Variants in ADCY8 observed in about 807,000 individuals in gnomAD.
ADCY8 encodes adenylate cyclase 8, also known as adenylate cyclase type 8.
A neutral mutation model predicts 119.7 loss-of-function variants in ADCY8; 51 were observed. The ratio of observed to expected loss-of-function variants is 0.43; its 90% CI spans 0.34 to 0.54. The LOEUF (loss-of-function observed/expected upper bound fraction) is 0.54. Among genes scored for constraint, ADCY8 ranks in the 20% least tolerant of loss-of-function variants. The pLI, the probability that ADCY8 is intolerant of heterozygous loss-of-function variation, is 0.03. For missense variants in ADCY8, 1,383 were observed against 1,598.8 expected, an observed-to-expected ratio of 0.87 and a Z score of 2.30; for synonymous variants, 665 against 651.0, an observed-to-expected ratio of 1.02 and a Z score of -0.33.
intron 8 of ADCY8, among the ~76,000 whole-genome samples, chr8:130,868,606 G>A (rs745363913): frequency 3.9e-5 from 6 of 152,156 alleles, no homozygotes; most frequent in Non-Finnish European, 8.8e-5. Flanking sequence ...CACTCAATGT[G>A]TATTTGCCTT....
chr8:130,838,410 G>T lies in ADCY8; in HGVS notation c.2503-1961C>A, dbSNP rs1817051004. 1.3e-5 allele frequency among the ~76,000 whole-genome samples: 2 copies of T among 152,124 alleles called. 1 individual carries two copies. Among genetic ancestry groups the T allele is most frequent in the Admixed American group, 1.3e-4 (2 of 15,268 alleles). On this transcript the variant is annotated intron_variant, in intron 11 of 17. Coordinates refer to ENST00000286355, the MANE Select transcript of ADCY8 (RefSeq NM_001115.3). ...TTTAAGATCTTGGGGAAGATTTTTA[G>T]GTAATTCATTTTGATGCCTCTGTAT... is the stretch of plus-strand genomic sequence containing the variant.
At chr8:130,928,050 G>T (rs544876943) in intron 5 of ADCY8, among the ~76,000 whole-genome samples, 1 of 152,040 alleles carries the variant, frequency 6.6e-6, no homozygotes, top group South Asian at 2.1e-4. Flanking sequence ...AGTAGTTACG[G>T]GATTACCAGT....
chr8:131,040,631 C>G lies in ADCY8; in HGVS notation c.-298G>C, dbSNP rs945182365. ...CTATTTGTCCTCAGGAGCCGCAGCG[C>G]TGTGAGCCACGCAGCCCCTTCCTGG... is the stretch of plus-strand genomic sequence containing the variant. On this transcript the variant is annotated 5_prime_UTR_variant, in exon 1 of 18. Coordinates refer to ENST00000286355, the MANE Select transcript of ADCY8 (RefSeq NM_001115.3). The G allele has an allele frequency of 8.3e-5, 24 of 290,778 alleles. No homozygotes were observed. The highest frequency in any genetic ancestry group is 5.2e-4 in the African/African-American group (24 of 46,084). The allele number at this position is 290,778 out of a possible 1,614,324, so 18.0% of individuals were successfully genotyped here.
At chr8:130,977,817 C>T (rs1039805206) in intron 2 of ADCY8, among the ~76,000 whole-genome samples, 1 of 152,198 alleles carries the variant, frequency 6.6e-6, no homozygotes, top group Admixed American at 6.5e-5. Context: ...GTGAATTCTC[C>T]TTTTCAGGCT....
intron 2 of ADCY8, among the ~76,000 whole-genome samples, chr8:130,955,143 C>T (rs1821388567): frequency 6.6e-6 from 1 of 152,082 alleles, no homozygotes; most frequent in Non-Finnish European, 1.5e-5. Flanking sequence ...GACTGACAGG[C>T]TCCTGGAATG....
rs71306306 is a variant in ADCY8 at position 131,019,843 on chromosome 8, G to GTCTCTC, written c.960+19525_960+19530dup. ...TCTCTCTCTCTCTCTCTCTCTGTCT[G>GTCTCTC]TCTCTCTCTCTCTCTCTCTCTCTCT... On this transcript the variant is annotated intron_variant, in intron 1 of 17. Transcript: ENST00000286355. Among the ~76,000 whole-genome samples, 136 of 86,908 alleles carry GTCTCTC rather than the reference G, an allele frequency of 1.6e-3. 1 individual carries two copies. Among genetic ancestry groups the GTCTCTC allele is most frequent in the African/African-American group, 4.7e-3 (110 of 23,178 alleles). The allele number at this position is 86,908 out of a possible 152,430, so 57.0% of individuals were successfully genotyped here. A position where few individuals can be genotyped will look rare whatever the true frequency, so the allele number is the denominator to read the frequency against.
At chr8:130,809,531 C>A (rs1351906027) in intron 14 of ADCY8, among the ~76,000 whole-genome samples, 1 of 152,076 alleles carries the variant, frequency 6.6e-6, no homozygotes, top group African/African-American at 2.4e-5. Context: ...ATGCCTTTGG[C>A]CATTTGGGCC....
chr8:130,847,913 G>A (rs1219481686), intron 10 of ADCY8, among the ~76,000 whole-genome samples: 1 of 152,048 alleles, frequency 6.6e-6, no homozygotes, highest in Non-Finnish European at 1.5e-5. Flanking sequence ...AATCTGAAGG[G>A]GTACATTTTC....
intron 3 of ADCY8, 73 bp downstream of exon 3, chr8:130,951,795 C>T (rs1020699481): frequency 6.4e-6 from 10 of 1,574,452 alleles, no homozygotes; most frequent in East Asian, 2.3e-5. Context: ...ACGGAAGTCA[C>T]GGAAGTGCAA....
chr8:130,868,566 G>T (rs1355337101), intron 8 of ADCY8, among the ~76,000 whole-genome samples: 1 of 152,136 alleles, frequency 6.6e-6, no homozygotes, highest in Non-Finnish European at 1.5e-5. Flanking sequence ...TAATTTCATT[G>T]TCTAGCTTTA....
intron 2 of ADCY8, among the ~76,000 whole-genome samples, chr8:130,953,878 G>C (rs183405055): frequency 2.0e-5 from 3 of 152,126 alleles, no homozygotes; most frequent in African/African-American, 7.2e-5. Flanking sequence ...ATCCCATCAC[G>C]GGACTAAGAG....
At chr8:130,960,362 C>A (rs1345734902) in intron 2 of ADCY8, among the ~76,000 whole-genome samples, 1 of 152,152 alleles carries the variant, frequency 6.6e-6, no homozygotes, top group Non-Finnish European at 1.5e-5. Flanking sequence ...CATTAATTGA[C>A]TTGAACACTG....
At chr8:130,991,091 T>G (rs749497052) in intron 1 of ADCY8, among the ~76,000 whole-genome samples, 11 of 152,238 alleles carry the variant, frequency 7.2e-5, no homozygotes, top group Non-Finnish European at 1.5e-4. Flanking sequence ...ACTTCCATTA[T>G]TCTATTTCTA....
Position 131,039,487 on chromosome 8 carries a change from T to G in ADCY8, c.847A>C (p.Ser283Arg), listed in dbSNP as rs772993294. ...CAGGTGAGCGGCAGCGGCAGCATAC[T>G]GTAGGTGGCGAAGAGCGTGAAGAGC... is the stretch of plus-strand genomic sequence containing the variant. ...YVLFTLFATY[S>R]MLPLPLTWAI... Residue 283 changes from serine (S) to arginine (R), a missense_variant, in exon 1 of 18, where the codon AGT becomes CGT. Around this residue, in one of 2 missense-constraint regions of ADCY8, gnomAD observed 455 missense variants for 435.3 expected, o/e 1.05. Transcript: ENST00000286355. 1.2e-6 allele frequency: 2 copies of G among 1,614,022 alleles called. No homozygotes were observed. The highest frequency in any genetic ancestry group is 3.3e-5 in the Admixed American group (2 of 60,028).
In ADCY8 at chr8:130,840,074, G is replaced by C. The variant is rs781333923; in HGVS notation, c.2503-3625C>G. ...AGGTAAGAAAGAGAGAGGAGTCAGA[G>C]GTAGCACTAATATTTCCACTTTGTA... On this transcript the variant is annotated intron_variant, in intron 11 of 17. Coordinates refer to ENST00000286355, the MANE Select transcript of ADCY8 (RefSeq NM_001115.3). Among the ~76,000 whole-genome samples the C allele has an allele frequency of 1.4e-5, 2 of 139,636 alleles. 1 individual carries two copies. The highest frequency in any genetic ancestry group is 3.2e-5 in the Non-Finnish European group (2 of 61,818). The allele number at this position is 139,636 out of a possible 152,430, so 91.6% of individuals were successfully genotyped here.
chr8:130,958,701 A>G (rs527701740), intron 2 of ADCY8, among the ~76,000 whole-genome samples: 8 of 152,332 alleles, frequency 5.3e-5, no homozygotes, highest in African/African-American at 1.7e-4. Context: ...AACTGCCCCT[A>G]TGATTTAGTT....
At chr8:131,027,555 C>T (rs1269562140) in intron 1 of ADCY8, among the ~76,000 whole-genome samples, 5 of 152,148 alleles carry the variant, frequency 3.3e-5, no homozygotes, top group Non-Finnish European at 7.4e-5. Flanking sequence ...GGATAGAGAG[C>T]TGTGGACAGA....
intron 8 of ADCY8, 92 bp from the exon 9 acceptor site, chr8:130,868,038 A>AT (rs984298890): frequency 2.4e-5 from 19 of 779,032 alleles, no homozygotes; most frequent in African/African-American, 7.1e-5. Context: ...AGGCAATTAG[A>AT]TTTTTTTTAA....
chr8:130,798,117 C>T (rs1047876291), intron 15 of ADCY8, among the ~76,000 whole-genome samples: 6 of 152,150 alleles, frequency 3.9e-5, no homozygotes, highest in Non-Finnish European at 8.8e-5. Context: ...ATTGAAAATG[C>T]TTTGCATTTC....
Sources: gnomAD v4.1 joint callset for allele counts (sites outside exome capture counted in the v4.1 genomes callset) on GRCh38, gnomAD v4.1.1 for gene constraint, gnomAD v4.1.1 regional missense constraint, MANE v1.5 for transcripts, NCBI Gene and HGNC (gene_info 2026-07-23, HGNC 2026-07-21) for gene names.